PKHD1: variants seen among roughly 807,000 people sequenced by gnomAD.
PKHD1 encodes fibrocystin.
PKHD1 carries 291 observed loss-of-function variants against 412.0 expected under a neutral mutation model. The observed-to-expected ratio is 0.71, with a 90% confidence interval of 0.64 to 0.78. The LOEUF is 0.78. PKHD1 is among the 30% of genes least tolerant of loss of function. The pLI is 0.00. For missense variants in PKHD1, 4,825 were observed against 4,950.7 expected (o/e 0.97, Z 0.76); for synonymous variants, 1,777 against 1,821.5 (o/e 0.98, Z 0.62).
At chr6:51,717,412 CA>C (rs60675116) in intron 60 of PKHD1, among the ~76,000 whole-genome samples, 34,662 of 123,034 alleles carry the variant, frequency 0.28, 4,542 homozygotes, top group African/African-American at 0.43. Context: ...AACTCTGTCT[CA>C]AAAAAAAAAA....
chr6:52,018,779 T>G (rs1473855916), intron 33 of PKHD1, among the ~76,000 whole-genome samples: 5 of 152,150 alleles, frequency 3.3e-5, no homozygotes, highest in Admixed American at 6.5e-5. Flanking sequence ...CCTCAAAAAG[T>G]GCTAGGATTA....
Position 51,619,029 on chromosome 6 carries a change from G to T in PKHD1, c.*52C>A. 6.5e-7 allele frequency: 1 copy of T among 1,530,648 alleles called. No individual in the cohort carries two copies. The highest frequency in any genetic ancestry group is 1.1e-5 in the South Asian group (1 of 88,998). The allele number at this position is 1,530,648 out of a possible 1,614,324, so 94.8% of individuals were successfully genotyped here. On this transcript the variant is annotated 3_prime_UTR_variant, in exon 67 of 67. Transcript: ENST00000371117. ...CCTCACTTCCCCAGCTTATTATCCA[G>T]AAATACTGGGAACATTCTGCCTTTC... is the stretch of plus-strand genomic sequence containing the variant.
At chr6:51,949,363 G>A (rs1345546311) in intron 36 of PKHD1, among the ~76,000 whole-genome samples, 1 of 152,192 alleles carries the variant, frequency 6.6e-6, no homozygotes, top group Non-Finnish European at 1.5e-5. Flanking sequence ...GCCTGGGTAA[G>A]GAGAGCTGGC....
chr6:51,711,387 G>T (rs1300950458), intron 60 of PKHD1, among the ~76,000 whole-genome samples: 1 of 152,150 alleles, frequency 6.6e-6, no homozygotes, highest in Non-Finnish European at 1.5e-5. Context: ...TGGCATTCAG[G>T]ACAAGAAGAA....
chr6:51,919,212 G>C (rs62405979), intron 37 of PKHD1, among the ~76,000 whole-genome samples: 163 of 152,280 alleles, frequency 1.1e-3, no homozygotes, highest in African/African-American at 3.8e-3. Context: ...CCATGCCTAC[G>C]TCCTGAATGG....
intron 60 of PKHD1, among the ~76,000 whole-genome samples, chr6:51,669,938 A>G (rs1431485622): frequency 6.7e-6 from 1 of 149,790 alleles, no homozygotes; most frequent in Non-Finnish European, 1.5e-5. Context: ...CTGTTCTTTT[A>G]CATTTGCTGA....
At chr6:51,849,173 T>A (rs1378460745) in intron 49 of PKHD1, among the ~76,000 whole-genome samples, 1 of 152,170 alleles carries the variant, frequency 6.6e-6, no homozygotes, top group Non-Finnish European at 1.5e-5. Context: ...TATTCCTGTG[T>A]TAGTTTGCTA....
chr6:51,855,807 C>T (rs889125828), intron 49 of PKHD1, 86 bp downstream of exon 49: 1 of 1,027,730 alleles, frequency 9.7e-7, no homozygotes, highest in Non-Finnish European at 1.5e-6. Flanking sequence ...AGATAACCTG[C>T]TCCTCTTTCA....
At chr6:51,944,616 T>A (rs998381514) in intron 36 of PKHD1, among the ~76,000 whole-genome samples, 2 of 152,120 alleles carry the variant, frequency 1.3e-5, no homozygotes, top group African/African-American at 4.8e-5. Context: ...ATATTCCCCA[T>A]ACCCTAGTTC....
chr6:51,829,721 T>C (rs1350015967), intron 52 of PKHD1, among the ~76,000 whole-genome samples: 2 of 152,144 alleles, frequency 1.3e-5, no homozygotes, highest in African/African-American at 2.4e-5. Flanking sequence ...AGGTGGCCAG[T>C]ATATCTTCTT....
At chr6:51,637,873 C>T (rs1004580277) in intron 64 of PKHD1, among the ~76,000 whole-genome samples, 1 of 151,928 alleles carries the variant, frequency 6.6e-6, no homozygotes, top group Non-Finnish European at 1.5e-5. Flanking sequence ...CACTGCACTC[C>T]AGCCTGGGTG....
intron 60 of PKHD1, among the ~76,000 whole-genome samples, chr6:51,694,818 T>G (rs1778604466): frequency 6.6e-6 from 1 of 152,118 alleles, no homozygotes. Flanking sequence ...AACTGAGTGG[T>G]ACAGTCACAT....
At position 51,960,080 on chromosome 6, in the gene PKHD1, T is replaced by C. The variant is rs9463745; in HGVS notation, c.5752-54A>G. The C allele has an allele frequency of 3.8e-6, 6 of 1,576,758 alleles. No individual in the cohort carries two copies. In the African/African-American group the frequency reaches 8.1e-5, roughly 21 times the overall value. ...TTGGTTGGTTGGTTGGCTGGTCTGT[T>C]GCTTCGTTGGTTGGTTCGCTGGTTT... On this transcript the variant is annotated intron_variant, in intron 35 of 66. Coordinates refer to ENST00000371117, the MANE Select transcript of PKHD1 (RefSeq NM_138694.4).
At chr6:51,845,345 C>T (rs1200118258) in intron 50 of PKHD1, among the ~76,000 whole-genome samples, 1 of 152,238 alleles carries the variant, frequency 6.6e-6, no homozygotes, top group Non-Finnish European at 1.5e-5. Context: ...CTCATACCAT[C>T]ACTGTGACAG....
At chr6:51,872,069 C>G (rs1345002066) in intron 46 of PKHD1, among the ~76,000 whole-genome samples, 2 of 151,438 alleles carry the variant, frequency 1.3e-5, no homozygotes, top group Non-Finnish European at 2.9e-5. Flanking sequence ...GAAAGTAGAA[C>G]AAAAAGACAA....
chr6:52,065,154 TATATATATATATATAGAGAG>T (rs1170894949), intron 12 of PKHD1, 104 bp from the exon 13 acceptor site: 14 of 77,124 alleles, frequency 1.8e-4, no homozygotes, highest in Non-Finnish European at 2.9e-4. Flanking sequence ...TATATATATA[TATATATATATATATAGAGAG>T]AGAGAGAGAG....
rs1199200209 is a variant in PKHD1 at position 51,992,936 on chromosome 6, G to A, written c.5751+17373C>T. On this transcript the variant is annotated intron_variant, in intron 35 of 66. Coordinates refer to ENST00000371117, the MANE Select transcript of PKHD1 (RefSeq NM_138694.4). ...CTTCAGTCCCTGCCCCCATTAAAAT[G>A]TAAAACTAGATTCAACCATCACGGA... 2.6e-5 allele frequency among the ~76,000 whole-genome samples: 4 copies of A among 152,218 alleles called. No homozygotes were observed. The East Asian group carries it at 5.8e-4, about 22-fold the overall frequency.
intron 43 of PKHD1, among the ~76,000 whole-genome samples, 195 bp from the exon 44 acceptor site, chr6:51,887,440 C>A (rs1163937140): frequency 6.6e-6 from 1 of 151,784 alleles, no homozygotes; most frequent in East Asian, 1.9e-4. Flanking sequence ...TGGATTTGTC[C>A]CCCTGCCCAT....
At chr6:51,729,461 C>A (rs982021486) in intron 60 of PKHD1, among the ~76,000 whole-genome samples, 1 of 151,912 alleles carries the variant, frequency 6.6e-6, no homozygotes, top group African/African-American at 2.4e-5. Flanking sequence ...CTAGTTTTTC[C>A]CTCTGAGTAG....
Sources: allele counts gnomAD v4.1 joint callset (sites outside exome capture counted in the v4.1 genomes callset), GRCh38; gene constraint gnomAD v4.1.1; transcripts MANE v1.5; gene names NCBI Gene and HGNC (gene_info 2026-07-23, HGNC 2026-07-21).